ZNF782: variants seen among roughly 807,000 people sequenced by gnomAD.
ZNF782 encodes the protein zinc finger protein 782.
Under a neutral mutation model 13.0 loss-of-function variants are expected in ZNF782, and 12 were observed. The observed-to-expected ratio is 0.92, with a 90% CI of 0.59 to 1.50. ZNF782 has a LOEUF of 1.50. Among genes scored for constraint, ZNF782 ranks in the 40% most tolerant of loss-of-function variants. The pLI, the probability that ZNF782 is intolerant of heterozygous loss-of-function variation, is 0.00. For missense variants in ZNF782, 770 were observed against 822.9 expected (o/e 0.94, Z 0.79); for synonymous variants, 284 against 283.0 (o/e 1.00, Z -0.04).
chr9:96,858,076 C>T (rs929206173), upstream of ZNF782, among the ~76,000 whole-genome samples: 7 of 152,116 alleles, frequency 4.6e-5, no homozygotes, highest in African/African-American at 1.4e-4. The surrounding 1 kb of genome is among the most constrained non-coding windows in gnomAD (Gnocchi z 4.4). Context: ...AATAATTGGC[C>T]GCTGACAGGT....
the ZNF782 span, among the ~76,000 whole-genome samples, chr9:96,903,402 A>G: frequency 6.6e-6 from 1 of 151,554 alleles, no homozygotes; most frequent in Non-Finnish European, 1.5e-5. Context: ...TCTTCCATTC[A>G]CTGTATGGAT....
At chr9:96,878,215 ATTGT>A (rs1449391323), upstream of ZNF782, among the ~76,000 whole-genome samples, 2 of 151,992 alleles carry the variant, frequency 1.3e-5, no homozygotes, top group African/African-American at 2.4e-5. Flanking sequence ...CGCCCGGCTA[ATTGT>A]TTGTATTTTT....
intron 1 of ZNF782, among the ~76,000 whole-genome samples, chr9:96,866,595 C>T (rs1173967095): frequency 2.0e-5 from 3 of 152,172 alleles, no homozygotes; most frequent in African/African-American, 7.2e-5. Context: ...GCTACCTGGG[C>T]ACCGCCTTGT....
chr9:96,880,810 A>T, the ZNF782 span, among the ~76,000 whole-genome samples: 909 of 152,226 alleles, frequency 6.0e-3, 7 homozygotes, highest in Middle Eastern at 0.014. Context: ...TAAGCTGGGA[A>T]GTGTTCTCTC....
the ZNF782 span, among the ~76,000 whole-genome samples, chr9:96,884,738 A>G: frequency 6.6e-6 from 1 of 152,164 alleles, no homozygotes; most frequent in African/African-American, 2.4e-5. Flanking sequence ...TCAGTGCCCC[A>G]TTTTTACCAG....
At chr9:96,911,681 C>T in the ZNF782 span, among the ~76,000 whole-genome samples, 1 of 151,202 alleles carries the variant, frequency 6.6e-6, no homozygotes, top group South Asian at 2.1e-4. Context: ...CCACTACACC[C>T]GGCTAATTTT....
At chr9:96,872,317 G>A (rs987118716) in intron 1 of ZNF782, among the ~76,000 whole-genome samples, 2 of 152,178 alleles carry the variant, frequency 1.3e-5, no homozygotes, top group Non-Finnish European at 2.9e-5. Flanking sequence ...TAGTTCAGAA[G>A]GTCGGGAGTT....
At chr9:96,925,157 G>A in the ZNF782 span, among the ~76,000 whole-genome samples, 2 of 152,214 alleles carry the variant, frequency 1.3e-5, no homozygotes, top group African/African-American at 4.8e-5. Context: ...AGCGGTTGAG[G>A]GCGGCCGGCT....
In ZNF782 at chr9:96,824,412, A is replaced by G. The variant is rs1448427600; in HGVS notation, c.244+2668T>C. ...TATTGATGGGACATATCTCAAAATA[A>G]TAAGAGCTATCTATGACAAACCCAC... is the stretch of plus-strand genomic sequence containing the variant. On this transcript the variant is annotated intron_variant, in intron 5 of 5. Coordinates refer to ENST00000481138, the MANE Select transcript of ZNF782 (RefSeq NM_001001662.3). Among the ~76,000 whole-genome samples, 7 of 148,646 alleles carry G rather than the reference A, an allele frequency of 4.7e-5. No homozygotes were observed. The Middle Eastern group carries it at 0.011, about 228-fold the overall frequency.
chr9:96,819,061 C>G lies in ZNF782; in HGVS notation c.962G>C (p.Arg321Pro). The change falls in exon 6 of 6, where the codon CGT (arginine) becomes CCT (proline). Residue 321 changes from arginine (R) to proline (P), a missense_variant. Arg to Pro is a moderately radical substitution (Grantham distance 103). Transcript: ENST00000481138. ...KPFEYGKSFN[R>P]NSTLPVHQRT... ...CTGATGCACTGGGAGGGTTGAATTA[C>G]GGTTGAAACTTTTTCCATATTCAAA... is the stretch of plus-strand genomic sequence containing the variant. 1 of 1,614,126 alleles carries G rather than the reference C, an allele frequency of 6.2e-7. No individual in the cohort carries two copies. The highest frequency in any genetic ancestry group is 8.5e-7 in the Non-Finnish European group (1 of 1,180,020).
the ZNF782 span, chr9:96,887,295 A>AAGGAAGG: frequency 6.0e-5 from 6 of 99,414 alleles, no homozygotes; most frequent in Non-Finnish European, 1.3e-4. Context: ...GAAAGGAAGG[A>AAGGAAGG]AGGAAGGAAG....
chr9:96,845,597 T>C (rs192866647), intron 3 of ZNF782, among the ~76,000 whole-genome samples: 85 of 152,310 alleles, frequency 5.6e-4, no homozygotes, highest in Non-Finnish European at 9.4e-4. Context: ...TGTTCATTAT[T>C]ATCTCGTGCA....
chr9:96,840,474 G>T (rs1411033136), intron 4 of ZNF782, among the ~76,000 whole-genome samples: 1 of 151,844 alleles, frequency 6.6e-6, no homozygotes, highest in Non-Finnish European at 1.5e-5. Flanking sequence ...CCTTCACCCA[G>T]CTTCAAAAAA....
At chr9:96,846,158 C>T (rs949281197) in intron 3 of ZNF782, among the ~76,000 whole-genome samples, 3 of 152,136 alleles carry the variant, frequency 2.0e-5, no homozygotes, top group Non-Finnish European at 2.9e-5. Flanking sequence ...GGGACTTTGT[C>T]GTTACCAAAC....
At chr9:96,821,497 T>A (rs1314122406) in intron 5 of ZNF782, among the ~76,000 whole-genome samples, 1 of 152,192 alleles carries the variant, frequency 6.6e-6, no homozygotes, top group Non-Finnish European at 1.5e-5. Flanking sequence ...AGTTACTGTC[T>A]ATAGTATTCA....
At chr9:96,829,743 A>T (rs768050854) in intron 4 of ZNF782, among the ~76,000 whole-genome samples, 7 of 152,174 alleles carry the variant, frequency 4.6e-5, no homozygotes, top group Non-Finnish European at 7.3e-5. Context: ...TAAAAGGATT[A>T]AAAAATCTTG....
chr9:96,827,677 C>T (rs1850671833), intron 4 of ZNF782, among the ~76,000 whole-genome samples: 1 of 152,110 alleles, frequency 6.6e-6, no homozygotes, highest in Non-Finnish European at 1.5e-5. Context: ...ACATAAAATT[C>T]TAAAATGGCC....
upstream of ZNF782, among the ~76,000 whole-genome samples, chr9:96,877,370 A>C (rs1186758999): frequency 6.6e-6 from 1 of 152,202 alleles, no homozygotes; most frequent in Non-Finnish European, 1.5e-5. Flanking sequence ...CCAGACGTAG[A>C]GGCCCTGACC....
chr9:96,828,708 A>C (rs1850705904), intron 4 of ZNF782, among the ~76,000 whole-genome samples: 1 of 152,198 alleles, frequency 6.6e-6, no homozygotes, highest in South Asian at 2.1e-4. Context: ...ATAAATTTGT[A>C]GTCTAACATA....
Sources: gnomAD v4.1 joint callset for allele counts (sites outside exome capture counted in the v4.1 genomes callset) on GRCh38, gnomAD v4.1.1 for gene constraint, Gnocchi (gnomAD v3.1) non-coding constraint, MANE v1.5 for transcripts, NCBI Gene and HGNC (gene_info 2026-07-23, HGNC 2026-07-21) for gene names.